Variants in UNC13C observed in about 807,000 individuals in gnomAD.
UNC13C encodes protein unc-13 homolog C.
A neutral mutation model predicts 245.4 loss-of-function variants in UNC13C; 174 were observed. The observed-to-expected ratio is 0.71, with a 90% CI of 0.63 to 0.80. The LOEUF is 0.80. Ranked by LOEUF, UNC13C falls within the 30% of genes least tolerant of loss-of-function variation. The probability of loss-of-function intolerance (pLI) is 0.00; values close to 1 mark genes in which losing one functional copy is unlikely to be tolerated. For missense variants in UNC13C, 2,829 were observed against 2,602.9 expected, an observed-to-expected ratio of 1.09 and a Z score of -1.89; for synonymous variants, 992 against 895.1, an observed-to-expected ratio of 1.11 and a Z score of -1.93.
intron 10 of UNC13C, among the ~76,000 whole-genome samples, chr15:54,283,944 C>T (rs1184969174): frequency 1.3e-5 from 2 of 151,962 alleles, no homozygotes; most frequent in East Asian, 1.9e-4. Flanking sequence ...AAGTGAAATA[C>T]AAAAAATGTG....
intron 19 of UNC13C, among the ~76,000 whole-genome samples, chr15:54,472,721 AC>A (rs1892526711): frequency 6.6e-6 from 1 of 151,872 alleles, no homozygotes; most frequent in Non-Finnish European, 1.5e-5. Flanking sequence ...CATCTCACTT[AC>A]TTCTGGCCTA....
intron 17 of UNC13C, among the ~76,000 whole-genome samples, chr15:54,340,573 T>A (rs2038705013): frequency 6.6e-6 from 1 of 152,236 alleles, no homozygotes; most frequent in Non-Finnish European, 1.5e-5. Context: ...TTTTGTTTGC[T>A]TTGTTAAAGA....
intron 28 of UNC13C, 73 bp from the exon 29 acceptor site, chr15:54,555,358 CA>C: frequency 1.6e-6 from 2 of 1,221,848 alleles, no homozygotes; most frequent in South Asian, 1.3e-5. Flanking sequence ...GGGGATAATA[CA>C]GATTATGTTT....
chr15:54,412,239 T>C (rs1596339970), intron 18 of UNC13C, among the ~76,000 whole-genome samples: 1 of 148,728 alleles, frequency 6.7e-6, no homozygotes, highest in Non-Finnish European at 1.5e-5. Context: ...CGAGACTGAG[T>C]AATTTATAAA....
chr15:54,553,719 A>G (rs1050743993), intron 28 of UNC13C, among the ~76,000 whole-genome samples: 9 of 151,312 alleles, frequency 5.9e-5, no homozygotes, highest in African/African-American at 2.2e-4. Context: ...TACTTGAATG[A>G]TCTGTTGCTA....
At chr15:53,939,539 G>A in the UNC13C span, among the ~76,000 whole-genome samples, 1 of 152,048 alleles carries the variant, frequency 6.6e-6, no homozygotes, top group Non-Finnish European at 1.5e-5. Flanking sequence ...AACAGAAAAC[G>A]AAAACTTCAG....
At chr15:53,977,867 A>T (rs1190391715), upstream of UNC13C, among the ~76,000 whole-genome samples, 6 of 152,222 alleles carry the variant, frequency 3.9e-5, no homozygotes, top group Admixed American at 6.5e-5. Flanking sequence ...GCATCACTGT[A>T]AGTTACCCAT....
intron 2 of UNC13C, among the ~76,000 whole-genome samples, chr15:54,080,511 C>T (rs1841254662): frequency 6.6e-6 from 1 of 151,834 alleles, no homozygotes; most frequent in Non-Finnish European, 1.5e-5. Context: ...TGTTATTAGT[C>T]TGTTCAGGAT....
chr15:53,985,249 C>T (rs961024658), intron 1 of UNC13C, among the ~76,000 whole-genome samples: 4 of 151,828 alleles, frequency 2.6e-5, no homozygotes, highest in African/African-American at 9.7e-5. Flanking sequence ...TTTCCAGCTT[C>T]ATCCATGTCC....
chr15:54,519,933 C>T (rs532972180), intron 24 of UNC13C, among the ~76,000 whole-genome samples: 14 of 152,054 alleles, frequency 9.2e-5, no homozygotes, highest in East Asian at 1.9e-4. Context: ...GAAAAGATTC[C>T]GGTCAAGTGG....
chr15:54,552,295 T>C (rs941373915), intron 28 of UNC13C, among the ~76,000 whole-genome samples: 29 of 131,282 alleles, frequency 2.2e-4, no homozygotes, highest in Admixed American at 1.4e-3. Context: ...TTATATATAA[T>C]TATATTGTAC....
chr15:54,153,851 T>C (rs2032630533), intron 4 of UNC13C, among the ~76,000 whole-genome samples: 1 of 152,000 alleles, frequency 6.6e-6, no homozygotes, highest in Non-Finnish European at 1.5e-5. Flanking sequence ...ATGATTGATA[T>C]TGTACTCAGG....
chr15:54,243,043 G>T (rs1025929164), intron 7 of UNC13C, among the ~76,000 whole-genome samples: 1 of 152,040 alleles, frequency 6.6e-6, no homozygotes, highest in Admixed American at 6.6e-5. Context: ...ACAGGTAAAT[G>T]TGTGCCATGG....
intron 2 of UNC13C, among the ~76,000 whole-genome samples, chr15:54,033,835 T>C (rs1896464138): frequency 6.6e-6 from 1 of 152,140 alleles, no homozygotes; most frequent in Non-Finnish European, 1.5e-5. Context: ...TCCTTGAGCA[T>C]AGGAGATCTG....
intron 4 of UNC13C, among the ~76,000 whole-genome samples, chr15:54,188,654 T>G (rs559893253): frequency 3.3e-5 from 5 of 152,266 alleles, no homozygotes; most frequent in African/African-American, 1.2e-4. Context: ...CTGTGGCAAT[T>G]TTATGTATGC....
chr15:54,628,748 GA>G (rs1206571575), downstream of UNC13C: 1 of 152,114 alleles, frequency 6.6e-6, no homozygotes, highest in Non-Finnish European at 1.5e-5. Context: ...TTAGATGTCA[GA>G]ATGGTTATTA....
intron 30 of UNC13C, among the ~76,000 whole-genome samples, chr15:54,594,928 C>T (rs956026235): frequency 1.3e-5 from 2 of 152,186 alleles, no homozygotes; most frequent in East Asian, 3.9e-4. Context: ...TGCTCACGGC[C>T]CAGAGCTCTT....
intron 10 of UNC13C, among the ~76,000 whole-genome samples, chr15:54,283,710 ATGTG>A (rs56013029): frequency 0.56 from 84,244 of 149,464 alleles, 26,033 homozygotes; most frequent in Non-Finnish European, 0.71. Flanking sequence ...GTATATATAT[ATGTG>A]TGTGTGTGTG....
the UNC13C span, among the ~76,000 whole-genome samples, chr15:53,917,503 C>A: frequency 1.3e-5 from 2 of 152,156 alleles, no homozygotes; most frequent in Non-Finnish European, 1.5e-5. Context: ...TTGTCATTTG[C>A]CTGAACACAG....
Sources: allele counts gnomAD v4.1 joint callset (sites outside exome capture counted in the v4.1 genomes callset), GRCh38; gene constraint gnomAD v4.1.1; transcripts MANE v1.5; gene names NCBI Gene and HGNC (gene_info 2026-07-23, HGNC 2026-07-21).